The following MYBL1 variants were observed in gnomAD, a reference collection of about 807,000 sequenced individuals.
MYBL1 encodes the protein MYB proto-oncogene like 1, also known as myb-related protein A.
In MYBL1, 17 loss-of-function variants were observed where a neutral mutation model predicts 96.3. The observed-to-expected ratio is 0.18, with a 90% CI of 0.12 to 0.26. MYBL1 has a LOEUF of 0.26. MYBL1 is among the 10% of genes least tolerant of loss of function. The probability of loss-of-function intolerance (pLI) is 1.00; values close to 1 mark genes in which losing one functional copy is unlikely to be tolerated. For missense variants in MYBL1, 701 were observed against 882.9 expected (o/e 0.79, Z 2.61); for synonymous variants, 282 against 292.7 (o/e 0.96, Z 0.37).
At chr8:66,583,687 A>C (rs1809303352) in intron 8 of MYBL1, among the ~76,000 whole-genome samples, 1 of 152,168 alleles carries the variant, frequency 6.6e-6, no homozygotes, top group South Asian at 2.1e-4. Context: ...ATCATGAATA[A>C]CTGTGTATCC....
intron 3 of MYBL1, among the ~76,000 whole-genome samples, chr8:66,601,177 CAAAAAAA>C (rs1167336780): frequency 5.0e-4 from 7 of 13,910 alleles, no homozygotes; most frequent in East Asian, 2.2e-3. Flanking sequence ...AACTCCGTCT[CAAAAAAA>C]AAAAAAAAAA....
At chr8:66,593,305 G>A in intron 6 of MYBL1, 111 bp from the exon 7 acceptor site, 2 of 594,088 alleles carry the variant, frequency 3.4e-6, no homozygotes, top group South Asian at 2.6e-5. Flanking sequence ...AACTTAGAAA[G>A]TACCTGTATT....
At chr8:66,597,225 C>A (rs1400717493) in intron 5 of MYBL1, 105 bp downstream of exon 5, 1 of 833,670 alleles carries the variant, frequency 1.2e-6, no homozygotes, top group African/African-American at 1.7e-5. Flanking sequence ...ATTTTAATTA[C>A]AAATTTAAAA....
intron 1 of MYBL1, among the ~76,000 whole-genome samples, chr8:66,607,749 C>T (rs1810378725): frequency 6.6e-6 from 1 of 150,974 alleles, no homozygotes; most frequent in East Asian, 1.9e-4. Flanking sequence ...GAAGCAGAAC[C>T]TGCTGAAACA....
intron 8 of MYBL1, among the ~76,000 whole-genome samples, chr8:66,587,628 T>C (rs1809472402): frequency 6.6e-6 from 1 of 152,198 alleles, no homozygotes; most frequent in Admixed American, 6.5e-5. Flanking sequence ...GGCCCAGTTA[T>C]CGCCCTCTTT....
intron 4 of MYBL1, among the ~76,000 whole-genome samples, chr8:66,598,538 A>G (rs1809940695): frequency 1.3e-5 from 2 of 152,232 alleles, no homozygotes; most frequent in South Asian, 4.1e-4. Flanking sequence ...AAACACTTCT[A>G]TTCATCTCCA....
At chr8:66,568,241 G>C (rs897069068) in intron 12 of MYBL1, among the ~76,000 whole-genome samples, 1 of 152,176 alleles carries the variant, frequency 6.6e-6, no homozygotes, top group South Asian at 2.1e-4. Flanking sequence ...AATTATGTTA[G>C]TGTTTCCGTA....
chr8:66,589,237 G>T, intron 8 of MYBL1, among the ~76,000 whole-genome samples: 1 of 151,578 alleles, frequency 6.6e-6, no homozygotes, highest in East Asian at 1.9e-4. Flanking sequence ...AAAAGGGTAA[G>T]ATTCTATTAA....
intron 12 of MYBL1, among the ~76,000 whole-genome samples, chr8:66,569,753 T>C (rs1476183680): frequency 6.6e-6 from 1 of 152,224 alleles, no homozygotes; most frequent in Non-Finnish European, 1.5e-5. Context: ...GATTAATTCA[T>C]TCACTAGCAA....
chr8:66,607,696 A>AC (rs902887952), intron 1 of MYBL1, among the ~76,000 whole-genome samples: 27 of 143,666 alleles, frequency 1.9e-4, no homozygotes, highest in African/African-American at 7.6e-4. Context: ...GACTTTCAAA[A>AC]CCCAAAAAAA....
Position 66,569,490 on chromosome 8 carries a change from C to T in MYBL1, c.1729-2498G>A, listed in dbSNP as rs139151265. Among the ~76,000 whole-genome samples, 753 of 152,118 alleles carry T rather than the reference C, an allele frequency of 5.0e-3. 4 individuals are homozygous for T. Among genetic ancestry groups the T allele is most frequent in the Middle Eastern group, 0.01 (3 of 294 alleles). ...TCAGTCTCCCAAGTAGCTAGAGCCA[C>T]AGGTGCACACCACCATGCCCAGTTC... On this transcript the variant is annotated intron_variant, in intron 12 of 15. Transcript: ENST00000522677.
At chr8:66,596,303 C>G (rs1043937172) in intron 5 of MYBL1, among the ~76,000 whole-genome samples, 5 of 152,104 alleles carry the variant, frequency 3.3e-5, no homozygotes, top group Non-Finnish European at 7.4e-5. Context: ...TTCTTTTTCA[C>G]TTCTTAGAAC....
At chr8:66,580,460 G>T in intron 8 of MYBL1, 94 bp from the exon 9 acceptor site, 1 of 775,888 alleles carries the variant, frequency 1.3e-6, no homozygotes. Context: ...TAAAAACATA[G>T]TAGCAAATAT....
At chr8:66,599,581 AC>A (rs1400485461) in intron 3 of MYBL1, among the ~76,000 whole-genome samples, 1 of 152,168 alleles carries the variant, frequency 6.6e-6, no homozygotes, top group East Asian at 1.9e-4. Flanking sequence ...TGGGTGGATC[AC>A]CTGAGGTCTG....
intron 3 of MYBL1, among the ~76,000 whole-genome samples, chr8:66,601,054 G>A (rs1490059120): frequency 6.6e-6 from 1 of 151,718 alleles, no homozygotes; most frequent in East Asian, 1.9e-4. Flanking sequence ...GTTCATGCCT[G>A]TAATCCCAGC....
Position 66,573,242 on chromosome 8 carries a change from A to C in MYBL1, c.1613+122T>G, listed in dbSNP as rs1055482038. 212 of 1,023,432 alleles carry C rather than the reference A, an allele frequency of 2.1e-4. 1 individual carries two copies. Among genetic ancestry groups the C allele is most frequent in the African/African-American group, 1.3e-3 (79 of 60,308 alleles). The allele number at this position is 1,023,432 out of a possible 1,614,324, so 63.4% of individuals were successfully genotyped here. On this transcript the variant is annotated intron_variant, in intron 11 of 15. Coordinates refer to ENST00000522677, the MANE Select transcript of MYBL1 (RefSeq NM_001080416.4). ...ACAAACAAAACAAAACAAAACAAAA[A>C]AAATTCTAAGTCCTGTAGGAATAGG...
intron 8 of MYBL1, among the ~76,000 whole-genome samples, chr8:66,586,003 A>G (rs2129878727): frequency 6.6e-6 from 1 of 151,968 alleles, no homozygotes; most frequent in Non-Finnish European, 1.5e-5. Flanking sequence ...AACAACAAAA[A>G]ATACTAATAA....
chr8:66,572,407 T>A, intron 12 of MYBL1, 75 bp downstream of exon 12: 1 of 657,264 alleles, frequency 1.5e-6, no homozygotes, highest in South Asian at 2.6e-5. Flanking sequence ...ATGTTAAAAA[T>A]CAAAGTGATA....
At position 66,613,018 on chromosome 8, in the gene MYBL1, G is replaced by A. The variant is rs1810596605; in HGVS notation, c.-180C>T. On this transcript the variant is annotated 5_prime_UTR_variant, in exon 1 of 16. Coordinates refer to ENST00000522677, the MANE Select transcript of MYBL1 (RefSeq NM_001080416.4). ...CGGAGGGACAGCGGGGGCGGACCGCGACCCGACCCCGACCCCGGCCCGCAG... is the reference window on the plus strand; with the variant it reads ...CGGAGGGACAGCGGGGGCGGACCGCAACCCGACCCCGACCCCGGCCCGCAG... 1 of 630,390 alleles carries A rather than the reference G, an allele frequency of 1.6e-6. No homozygotes were observed. The highest frequency in any genetic ancestry group is 2.3e-6 in the Non-Finnish European group (1 of 432,284). The allele number at this position is 630,390 out of a possible 1,614,324, so 39.0% of individuals were successfully genotyped here.
Sources: gnomAD v4.1 joint callset for allele counts (sites outside exome capture counted in the v4.1 genomes callset) on GRCh38, gnomAD v4.1.1 for gene constraint, MANE v1.5 for transcripts, NCBI Gene and HGNC (gene_info 2026-07-23, HGNC 2026-07-21) for gene names.